Variants in CHODL observed in about 807,000 individuals in gnomAD.
The protein encoded by CHODL is transmembrane protein MT75.
Under a neutral mutation model 34.5 loss-of-function variants are expected in CHODL, and 29 were observed. That is an observed-to-expected ratio of 0.84 (90% CI 0.63 to 1.15). The LOEUF (loss-of-function observed/expected upper bound fraction) is 1.15. Ranked by LOEUF, CHODL falls within the 50% of genes most tolerant of loss-of-function variation. CHODL has a pLI of 0.00. For synonymous variants in CHODL, 125 were observed against 116.1 expected, an observed-to-expected ratio of 1.08 and a Z score of -0.49; for missense variants, 332 against 332.5, an observed-to-expected ratio of 1.00 and a Z score of 0.01.
At chr21:17,969,197 T>A (rs967990010) in intron 1 of CHODL, among the ~76,000 whole-genome samples, 13 of 152,348 alleles carry the variant, frequency 8.5e-5, no homozygotes, top group African/African-American at 2.6e-4. Flanking sequence ...TTGGTGAGTT[T>A]TTTAAGGGTC....
At chr21:18,201,656 G>C (rs573779749) in intron 2 of CHODL, among the ~76,000 whole-genome samples, 1 of 152,068 alleles carries the variant, frequency 6.6e-6, no homozygotes, top group Admixed American at 6.6e-5. Context: ...GACTTAATCT[G>C]TAATCTAAAA....
intron 2 of CHODL, among the ~76,000 whole-genome samples, chr21:18,037,263 T>A (rs2146448266): frequency 6.6e-6 from 1 of 152,022 alleles, no homozygotes; most frequent in South Asian, 2.1e-4. Flanking sequence ...AACAGAAAGT[T>A]GGGCTAAGTG....
chr21:18,026,585 G>T (rs2064178086), intron 1 of CHODL, among the ~76,000 whole-genome samples: 1 of 152,214 alleles, frequency 6.6e-6, no homozygotes, highest in Non-Finnish European at 1.5e-5. Flanking sequence ...TGAGATTACA[G>T]CTCCACTTTA....
chr21:18,032,071 G>A (rs925097096), intron 2 of CHODL, among the ~76,000 whole-genome samples: 1 of 152,062 alleles, frequency 6.6e-6, no homozygotes, highest in Admixed American at 6.6e-5. Flanking sequence ...AACCAGGTAG[G>A]GGGAACTTGG....
chr21:18,069,539 A>AATATATATAT (rs71318122), intron 2 of CHODL, among the ~76,000 whole-genome samples: 12 of 147,448 alleles, frequency 8.1e-5, no homozygotes, highest in African/African-American at 3.0e-4. Context: ...ATATATGTGG[A>AATATATATAT]ATATATATAT....
chr21:18,057,188 C>T (rs1320392254), intron 2 of CHODL, among the ~76,000 whole-genome samples: 1 of 152,064 alleles, frequency 6.6e-6, no homozygotes, highest in East Asian at 1.9e-4. Flanking sequence ...GGGAAAGACG[C>T]TGAGATTTTC....
At position 17,977,515 on chromosome 21, in the gene CHODL, G is replaced by A. The variant is rs1038041554; in HGVS notation, c.-144-50357G>A. On this transcript the variant is annotated intron_variant, in intron 1 of 6. Transcript: ENST00000400127. ...CAAGTAGCTGGGAATATGCGCCACT[G>A]CGCCCAGCTAATTTTTTTGTATTTT... Among the ~76,000 whole-genome samples, 8 of 150,852 alleles carry A rather than the reference G, an allele frequency of 5.3e-5. No homozygotes were observed. In the East Asian group the frequency reaches 1.6e-3, roughly 30 times the overall value.
intron 2 of CHODL, among the ~76,000 whole-genome samples, chr21:18,160,335 C>CT (rs910617688): frequency 5.9e-5 from 9 of 151,778 alleles, no homozygotes; most frequent in Non-Finnish European, 1.0e-4. Context: ...TTTTTCTCTT[C>CT]TTTTTTTTAA....
chr21:18,023,088 G>A (rs2064142343), intron 1 of CHODL, among the ~76,000 whole-genome samples: 1 of 152,196 alleles, frequency 6.6e-6, no homozygotes. Flanking sequence ...GCCAGCACTG[G>A]AGTGTCTGTC....
intron 2 of CHODL, among the ~76,000 whole-genome samples, chr21:18,149,425 TC>T (rs2072937813): frequency 6.6e-6 from 1 of 152,154 alleles, no homozygotes; most frequent in African/African-American, 2.4e-5. Flanking sequence ...CATAACCGTA[TC>T]TATCAAATAT....
intron 1 of CHODL, among the ~76,000 whole-genome samples, chr21:17,938,593 C>G (rs2063337941): frequency 6.7e-6 from 1 of 150,216 alleles, no homozygotes; most frequent in African/African-American, 2.4e-5. Context: ...ATTCTCCTGC[C>G]TCAGCCTCCT....
chr21:18,201,671 A>C (rs1387507329), intron 2 of CHODL, among the ~76,000 whole-genome samples: 1 of 152,150 alleles, frequency 6.6e-6, no homozygotes, highest in East Asian at 1.9e-4. Context: ...CTAAAAGTAG[A>C]CTTCTTTAAA....
chr21:18,222,491 G>A (rs2073893799), intron 2 of CHODL, among the ~76,000 whole-genome samples: 1 of 152,178 alleles, frequency 6.6e-6, no homozygotes, highest in Non-Finnish European at 1.5e-5. Context: ...GTGATGTCCT[G>A]GCAGCTCCTT....
chr21:17,960,109 G>T (rs556411900), intron 1 of CHODL, among the ~76,000 whole-genome samples: 1 of 152,160 alleles, frequency 6.6e-6, no homozygotes, highest in African/African-American at 2.4e-5. Context: ...GATGCCTCAG[G>T]GATACACTAG....
At chr21:18,205,562 T>C (rs1051792875) in intron 2 of CHODL, among the ~76,000 whole-genome samples, 1 of 152,148 alleles carries the variant, frequency 6.6e-6, no homozygotes, top group African/African-American at 2.4e-5. Flanking sequence ...GGTTGTTTAT[T>C]TGAAGTTTTT....
At chr21:17,946,132 T>C (rs988580394) in intron 1 of CHODL, among the ~76,000 whole-genome samples, 7 of 152,094 alleles carry the variant, frequency 4.6e-5, no homozygotes, top group African/African-American at 1.7e-4. Context: ...AAAAAGAGAT[T>C]CTAGGTTGGG....
chr21:17,946,061 T>A (rs1307284317), intron 1 of CHODL, among the ~76,000 whole-genome samples: 1 of 148,622 alleles, frequency 6.7e-6, no homozygotes, highest in African/African-American at 2.5e-5. Flanking sequence ...AAGTTCATCT[T>A]AAAAAAAAAA....
intron 2 of CHODL, among the ~76,000 whole-genome samples, chr21:18,218,451 G>A (rs1283399574): frequency 6.6e-6 from 1 of 152,150 alleles, no homozygotes; most frequent in Non-Finnish European, 1.5e-5. Flanking sequence ...GCTGCACACA[G>A]TAGGGGGGAT....
chr21:18,145,922 C>A (rs1438115833), intron 2 of CHODL, among the ~76,000 whole-genome samples: 1 of 152,058 alleles, frequency 6.6e-6, no homozygotes, highest in Non-Finnish European at 1.5e-5. Context: ...AAGAAAGAAT[C>A]CTCTGCACAT....
Sources: gnomAD v4.1 joint callset for allele counts (sites outside exome capture counted in the v4.1 genomes callset) on GRCh38, gnomAD v4.1.1 for gene constraint, MANE v1.5 for transcripts, NCBI Gene and HGNC (gene_info 2026-07-23, HGNC 2026-07-21) for gene names.